The following SOX10 variants were observed in gnomAD, a reference collection of about 807,000 sequenced individuals.
SOX10 encodes the protein SRY-box transcription factor 10.
Under a neutral mutation model 35.0 loss-of-function variants are expected in SOX10, and 3 were observed. The observed-to-expected ratio is 0.09, with a 90% CI of 0.04 to 0.22. The LOEUF is 0.22. SOX10 is among the 10% of genes least tolerant of loss of function. The pLI, the probability that SOX10 is intolerant of heterozygous loss-of-function variation, is 1.00. For missense variants in SOX10, 436 were observed against 655.1 expected, an observed-to-expected ratio of 0.67 and a Z score of 3.65; for synonymous variants, 285 against 291.0, an observed-to-expected ratio of 0.98 and a Z score of 0.21.
In SOX10 at chr22:37,984,099, C is replaced by T; in HGVS notation, c.-84-231G>A. 4.5e-6 allele frequency: 1 copy of T among 224,586 alleles called. No homozygotes were observed. Among genetic ancestry groups the T allele is most frequent in the Non-Finnish European group, 8.7e-6 (1 of 115,010 alleles). 13.9% of individuals were successfully genotyped at this position (224,586 alleles called of 1,614,324 possible). On this transcript the variant is annotated intron_variant, in intron 1 of 3. Coordinates refer to ENST00000396884, the MANE Select transcript of SOX10 (RefSeq NM_006941.4). The surrounding 1 kb of genome is among the most constrained non-coding windows in gnomAD (Gnocchi z 4.4). ...GTGTGGGTGGCTTTTTTTTTAGCCT[C>T]CTTTTTTGGGTGGAGGTTTGTTGAT...
At position 37,983,794 on chromosome 22, in the gene SOX10, G is replaced by GGCCGCCGCC. The variant is rs762578400; in HGVS notation, c.-19_-11dup. The stretch of plus-strand genomic sequence containing the variant: ...CCTGCTCCTCCGCCATGTCGCCCCC[G>GGCCGCCGCC]GCCGCCGCCGCCGCCGCCTCGGCCG... On this transcript the variant is annotated 5_prime_UTR_variant, in exon 2 of 4. Transcript: ENST00000396884. The surrounding 1 kb of genome is among the most constrained non-coding windows in gnomAD (Gnocchi z 9.5). 21 of 1,419,896 alleles carry GGCCGCCGCC rather than the reference G, an allele frequency of 1.5e-5. No individual in the cohort carries two copies. Among genetic ancestry groups the GGCCGCCGCC allele is most frequent in the Non-Finnish European group, 3.7e-6 (4 of 1,084,418 alleles). 88.0% of individuals were successfully genotyped at this position (1,419,896 alleles called of 1,614,324 possible). A position where few individuals can be genotyped will look rare whatever the true frequency, so the allele number is the denominator to read the frequency against.
intron 3 of SOX10, among the ~76,000 whole-genome samples, chr22:37,977,359 C>T (rs1373706592): frequency 6.6e-6 from 1 of 150,434 alleles, no homozygotes; most frequent in Non-Finnish European, 1.5e-5. Context: ...CTCGCTCTGT[C>T]GCCCAGGCTG....
Position 37,978,416 on chromosome 22 carries a change from G to T in SOX10, c.429-281C>A, listed in dbSNP as rs558524817. Reference sequence around the variant, plus strand: ...GCTGCTCCTGGCAGCCCCTGAGGAGGAGTTAGAAGTAGGAGTAGAGGTTTC... The same window carrying T: ...GCTGCTCCTGGCAGCCCCTGAGGAGTAGTTAGAAGTAGGAGTAGAGGTTTC... On this transcript the variant is annotated intron_variant, in intron 2 of 3. Transcript: ENST00000396884. This position sits in a 1 kb window ranked among gnomAD's most constrained non-coding sequence, Gnocchi z 5.0. Among the ~76,000 whole-genome samples the T allele has an allele frequency of 6.6e-6, 1 of 152,382 alleles. No homozygotes were observed. Among genetic ancestry groups the T allele is most frequent in the East Asian group, 1.9e-4 (1 of 5,190 alleles).
intron 3 of SOX10, among the ~76,000 whole-genome samples, chr22:37,975,129 A>G (rs981481575): frequency 1.3e-5 from 2 of 152,164 alleles, no homozygotes; most frequent in Admixed American, 1.3e-4. Flanking sequence ...TCACTTTCCT[A>G]TTCACATATT....
At chr22:37,976,372 T>C (rs1172114314) in intron 3 of SOX10, among the ~76,000 whole-genome samples, 1 of 152,238 alleles carries the variant, frequency 6.6e-6, no homozygotes, top group Non-Finnish European at 1.5e-5. Flanking sequence ...TGTTTCTTCC[T>C]GTACTTAATT....
intron 3 of SOX10, among the ~76,000 whole-genome samples, chr22:37,975,661 A>G (rs1415121239): frequency 6.6e-6 from 1 of 152,216 alleles, no homozygotes; most frequent in African/African-American, 2.4e-5. Context: ...GCATTGGCCA[A>G]GGGCTCTGTA....
rs1047337787 is a variant in SOX10, at chr22:37,974,493, C to T, written c.698-295G>A. On this transcript the variant is annotated intron_variant, in intron 3 of 3. Transcript: ENST00000396884. This position sits in a 1 kb window ranked among gnomAD's most constrained non-coding sequence, Gnocchi z 5.4. ...TCAGCCTCCTGAGTAGCTGGAATTA[C>T]AAGCGCCCACCACAATGCCCAGCTA... Among the ~76,000 whole-genome samples the T allele has an allele frequency of 6.6e-6, 1 of 151,964 alleles. No individual in the cohort carries two copies. The highest frequency in any genetic ancestry group is 2.4e-5 in the African/African-American group (1 of 41,330).
chr22:37,975,772 A>T (rs1932201650), intron 3 of SOX10, among the ~76,000 whole-genome samples: 2 of 152,048 alleles, frequency 1.3e-5, no homozygotes, highest in South Asian at 4.2e-4. Flanking sequence ...TAGAGATTGT[A>T]CCAAGCAGCC....
Position 37,973,289 on chromosome 22 carries a change from G to C in SOX10, c.*206C>G, listed in dbSNP as rs767159715. Reference sequence around the variant, plus strand: ...AACCTCCTTCTCCTCTGTCCAGCCTGTTCTCCTGGGGCTTTGCTGCTGGAG... The same window carrying C: ...AACCTCCTTCTCCTCTGTCCAGCCTCTTCTCCTGGGGCTTTGCTGCTGGAG... On this transcript the variant is annotated 3_prime_UTR_variant, in exon 4 of 4. Transcript: ENST00000396884. 3 of 560,258 alleles carry C rather than the reference G, an allele frequency of 5.4e-6. No individual in the cohort carries two copies. The highest frequency in any genetic ancestry group is 9.5e-6 in the Non-Finnish European group (3 of 315,276). The allele number at this position is 560,258 out of a possible 1,614,324, so 34.7% of individuals were successfully genotyped here.
Position 37,974,217 on chromosome 22 carries a change from G to T in SOX10, c.698-19C>A. ...CTCTGGCCTGGGTAGAAGGGAGACA[G>T]AGAGAGAGAGCGCAAGGGGGAAGCA... On this transcript the variant is annotated intron_variant, in intron 3 of 3. Coordinates refer to ENST00000396884, the MANE Select transcript of SOX10 (RefSeq NM_006941.4). This position sits in a 1 kb window ranked among gnomAD's most constrained non-coding sequence, Gnocchi z 5.4. 2 of 1,521,912 alleles carry T rather than the reference G, an allele frequency of 1.3e-6. No individual in the cohort carries two copies. The highest frequency in any genetic ancestry group is 1.8e-6 in the Non-Finnish European group (2 of 1,114,174). The allele number at this position is 1,521,912 out of a possible 1,614,324, so 94.3% of individuals were successfully genotyped here.
chr22:37,976,981 A>G (rs1932240011), intron 3 of SOX10, among the ~76,000 whole-genome samples: 1 of 151,734 alleles, frequency 6.6e-6, no homozygotes, highest in Non-Finnish European at 1.5e-5. Flanking sequence ...GGGCCTGGGC[A>G]ATATAGTGAA....
At chr22:37,982,755 TGAA>T (rs1330578611) in intron 2 of SOX10, among the ~76,000 whole-genome samples, 3 of 152,004 alleles carry the variant, frequency 2.0e-5, no homozygotes, top group Non-Finnish European at 2.9e-5. Flanking sequence ...CCTAGGAGGA[TGAA>T]GAAGCCCCCA....
chr22:37,979,662 A>G (rs1275182249), intron 2 of SOX10, among the ~76,000 whole-genome samples: 1 of 152,034 alleles, frequency 6.6e-6, no homozygotes, highest in East Asian at 1.9e-4. Context: ...ACACATGGAG[A>G]GAAGAAGCCC....
Position 37,973,329 on chromosome 22 carries a change from G to A in SOX10, c.*166C>T, listed in dbSNP as rs902445135. On this transcript the variant is annotated 3_prime_UTR_variant, in exon 4 of 4. Coordinates refer to ENST00000396884, the MANE Select transcript of SOX10 (RefSeq NM_006941.4). ...TGCTGCTGGAGCCTGGATGGGGCGG[G>A]TGGGTCATCAGGGCAGTGAGCCAGA... The A allele has an allele frequency of 5.1e-6, 3 of 587,576 alleles. No homozygotes were observed. The highest frequency in any genetic ancestry group is 1.9e-5 in the African/African-American group (1 of 53,712). 36.4% of individuals were successfully genotyped at this position (587,576 alleles called of 1,614,324 possible). A position where few individuals can be genotyped will look rare whatever the true frequency, so the allele number is the denominator to read the frequency against.
In SOX10 at chr22:37,983,843, G is replaced by A; in HGVS notation, c.-59C>T. 1 of 1,327,920 alleles carries A rather than the reference G, an allele frequency of 7.5e-7. No homozygotes were observed. Among genetic ancestry groups the A allele is most frequent in the Non-Finnish European group, 9.6e-7 (1 of 1,036,746 alleles). The allele number at this position is 1,327,920 out of a possible 1,614,324, so 82.3% of individuals were successfully genotyped here. On this transcript the variant is annotated 5_prime_UTR_variant, in exon 2 of 4. Coordinates refer to ENST00000396884, the MANE Select transcript of SOX10 (RefSeq NM_006941.4). This position sits in a 1 kb window ranked among gnomAD's most constrained non-coding sequence, Gnocchi z 9.5. ...CGCCTCCCCCGGGCCAGCCGCCGGG[G>A]TCCTCGCAAAGAGTCCAACGCCCAC...
chr22:37,975,207 G>A (rs1221676038), intron 3 of SOX10, among the ~76,000 whole-genome samples: 2 of 152,188 alleles, frequency 1.3e-5, no homozygotes, highest in African/African-American at 2.4e-5. Flanking sequence ...GGATACTAAT[G>A]TAAATAAAAT....
intron 3 of SOX10, among the ~76,000 whole-genome samples, chr22:37,975,692 C>T (rs948845242): frequency 1.3e-5 from 2 of 152,170 alleles, no homozygotes; most frequent in Non-Finnish European, 2.9e-5. Flanking sequence ...CCTGCCTAGG[C>T]TTTTGAATCC....
intron 2 of SOX10, among the ~76,000 whole-genome samples, chr22:37,981,314 T>C (rs1216022790): frequency 1.3e-5 from 2 of 152,162 alleles, no homozygotes; most frequent in Non-Finnish European, 2.9e-5. Flanking sequence ...AGGACCCCCC[T>C]CCAGGGTCCA....
chr22:37,979,378 A>G (rs1443075887), intron 2 of SOX10, among the ~76,000 whole-genome samples: 1 of 152,182 alleles, frequency 6.6e-6, no homozygotes, highest in Non-Finnish European at 1.5e-5. Flanking sequence ...GATTATAGGC[A>G]TGAGCCACCG....
Sources: allele counts gnomAD v4.1 joint callset (sites outside exome capture counted in the v4.1 genomes callset), GRCh38; gene constraint gnomAD v4.1.1; non-coding constraint Gnocchi (gnomAD v3.1); transcripts MANE v1.5; gene names NCBI Gene and HGNC (gene_info 2026-07-23, HGNC 2026-07-21).